SHISA9: variants seen among roughly 807,000 people sequenced by gnomAD.
SHISA9 encodes protein shisa-9.
Under a neutral mutation model 38.0 loss-of-function variants are expected in SHISA9, and 13 were observed. The observed-to-expected ratio is 0.34, with a 90% CI of 0.22 to 0.54. SHISA9 has a LOEUF of 0.54. Ranked by LOEUF, SHISA9 falls within the 20% of genes least tolerant of loss-of-function variation. SHISA9 has a pLI of 0.91. For missense variants in SHISA9, 538 were observed against 575.8 expected (o/e 0.93, Z 0.67); for synonymous variants, 275 against 242.0 (o/e 1.14, Z -1.27).
the SHISA9 span, among the ~76,000 whole-genome samples, chr16:13,273,336 A>G: frequency 6.6e-6 from 1 of 152,098 alleles, no homozygotes; most frequent in East Asian, 1.9e-4. Flanking sequence ...TTCCCACCCA[A>G]ATCTCATCTT....
intron 2 of SHISA9, among the ~76,000 whole-genome samples, chr16:13,116,166 A>C (rs2074029048): frequency 6.6e-6 from 1 of 152,058 alleles, no homozygotes; most frequent in South Asian, 2.1e-4. Context: ...CTGTCACTCA[A>C]ATGTGCACAT....
chr16:13,240,562 TAAC>T (rs1225087738), downstream of SHISA9: 5 of 152,216 alleles, frequency 3.3e-5, no homozygotes, highest in Non-Finnish European at 7.3e-5. Flanking sequence ...AATTTCTAGT[TAAC>T]AGCAACATAT....
chr16:13,076,927 C>T (rs1032928100), intron 2 of SHISA9, among the ~76,000 whole-genome samples: 1 of 152,146 alleles, frequency 6.6e-6, no homozygotes, highest in African/African-American at 2.4e-5. Context: ...GTCATTTCCA[C>T]GAATTAAAAT....
chr16:13,034,178 C>G (rs560296863), intron 2 of SHISA9, among the ~76,000 whole-genome samples: 1 of 151,330 alleles, frequency 6.6e-6, no homozygotes, highest in African/African-American at 2.4e-5. Context: ...CCATCTGAGA[C>G]GAGCATCTTT....
Position 13,147,683 on chromosome 16 carries a change from G to A in SHISA9, c.692-55711G>A, listed in dbSNP as rs140439432. ...TCACCACGTTGGCCAGGCTGGTCTC[G>A]AACTCTGACCTCAGGTGATCTGCCT... On this transcript the variant is annotated intron_variant, in intron 2 of 4. Transcript: ENST00000558583. Among the ~76,000 whole-genome samples the A allele has an allele frequency of 4.7e-3, 719 of 152,150 alleles. 7 individuals are homozygous for A. The highest frequency in any genetic ancestry group is 0.016 in the African/African-American group (680 of 41,512).
chr16:13,555,133 A>C, the SHISA9 span, among the ~76,000 whole-genome samples: 1 of 152,238 alleles, frequency 6.6e-6, no homozygotes, highest in African/African-American at 2.4e-5. Context: ...AAATCTAGTC[A>C]GAGAGGATGA....
the SHISA9 span, among the ~76,000 whole-genome samples, chr16:13,403,853 T>C: frequency 6.2e-3 from 947 of 152,268 alleles, 6 homozygotes; most frequent in African/African-American, 0.021. Flanking sequence ...GCAAGTCACT[T>C]TACCTGCATT....
At chr16:13,332,814 A>C in the SHISA9 span, among the ~76,000 whole-genome samples, 107,737 of 152,046 alleles carry the variant, frequency 0.71, 38,942 homozygotes, top group African/African-American at 0.84. Context: ...CTTTGAGTAT[A>C]TGCGCACTCT....
chr16:13,456,296 G>A, the SHISA9 span, among the ~76,000 whole-genome samples: 5 of 152,254 alleles, frequency 3.3e-5, no homozygotes, highest in Admixed American at 6.5e-5. Flanking sequence ...TCGAATGCTA[G>A]CCTCTCTAGC....
the SHISA9 span, among the ~76,000 whole-genome samples, chr16:13,394,897 A>G: frequency 6.7e-6 from 1 of 150,008 alleles, no homozygotes; most frequent in Non-Finnish European, 1.5e-5. Context: ...TTCCTCTGCC[A>G]CTGTCATTTT....
chr16:13,296,229 T>C, the SHISA9 span, among the ~76,000 whole-genome samples: 2 of 151,948 alleles, frequency 1.3e-5, no homozygotes, highest in South Asian at 2.1e-4. Flanking sequence ...TTTTTTTTTT[T>C]CTCTGCAACA....
At chr16:13,265,124 T>C in the SHISA9 span, among the ~76,000 whole-genome samples, 49,132 of 88,558 alleles carry the variant, frequency 0.55, 13,911 homozygotes, top group African/African-American at 0.66. Flanking sequence ...CCCTTCCTGT[T>C]CCCCTCCCCT....
chr16:13,227,296 T>A (rs1348834886), intron 4 of SHISA9, among the ~76,000 whole-genome samples: 1 of 152,220 alleles, frequency 6.6e-6, no homozygotes, highest in Non-Finnish European at 1.5e-5. Context: ...GAGGCCAGTT[T>A]GGTTACTGAA....
At chr16:13,037,736 T>A (rs1057280747) in intron 2 of SHISA9, among the ~76,000 whole-genome samples, 11 of 152,160 alleles carry the variant, frequency 7.2e-5, no homozygotes, top group Non-Finnish European at 1.6e-4. Flanking sequence ...TTTTCAGTAT[T>A]TTGACCTTAG....
chr16:13,397,113 T>C, the SHISA9 span, among the ~76,000 whole-genome samples: 1 of 152,244 alleles, frequency 6.6e-6, no homozygotes, highest in African/African-American at 2.4e-5. Flanking sequence ...CATTTTATTT[T>C]CTCCAGCTTA....
the SHISA9 span, among the ~76,000 whole-genome samples, chr16:13,469,425 A>AAAGAAAG: frequency 3.4e-5 from 4 of 117,302 alleles, no homozygotes; most frequent in African/African-American, 6.4e-5. Context: ...AAGAAAGAAA[A>AAAGAAAG]AGAAAGAAAG....
intron 2 of SHISA9, among the ~76,000 whole-genome samples, chr16:13,187,110 T>C (rs2050831997): frequency 1.3e-5 from 2 of 152,146 alleles, no homozygotes; most frequent in Admixed American, 1.3e-4. Flanking sequence ...CAGCACTGAC[T>C]TCCCCGTTTC....
At chr16:13,516,915 G>A in the SHISA9 span, among the ~76,000 whole-genome samples, 2 of 152,016 alleles carry the variant, frequency 1.3e-5, no homozygotes, top group African/African-American at 4.8e-5. Context: ...TTCAAATATA[G>A]TCAATAAAAC....
At chr16:13,375,242 T>C in the SHISA9 span, among the ~76,000 whole-genome samples, 1 of 152,222 alleles carries the variant, frequency 6.6e-6, no homozygotes, top group Non-Finnish European at 1.5e-5. Context: ...ATGAAGTCCT[T>C]TCCCATGCCT....
Sources: gnomAD v4.1 joint callset for allele counts (sites outside exome capture counted in the v4.1 genomes callset) on GRCh38, gnomAD v4.1.1 for gene constraint, MANE v1.5 for transcripts, NCBI Gene and HGNC (gene_info 2026-07-23, HGNC 2026-07-21) for gene names.